Variants in FBXW11 observed in about 807,000 individuals in gnomAD.
FBXW11 encodes F-box and WD repeat domain containing 11, also known as F-box/WD repeat-containing protein 11.
In FBXW11, 19 loss-of-function variants were observed where a neutral mutation model predicts 77.6. The ratio of observed to expected loss-of-function variants is 0.24; its 90% CI spans 0.17 to 0.36. The LOEUF (loss-of-function observed/expected upper bound fraction) is 0.36, where lower values mean the gene tolerates loss of function less well. FBXW11 is among the 10% of genes least tolerant of loss of function. The pLI is 1.00. For synonymous variants in FBXW11, 235 were observed against 249.4 expected (o/e 0.94, Z 0.54); for missense variants, 334 against 704.2 (o/e 0.47, Z 5.95).
chr5:171,953,072 G>A (rs1763429706), intron 2 of FBXW11, among the ~76,000 whole-genome samples: 2 of 151,934 alleles, frequency 1.3e-5, no homozygotes, highest in South Asian at 4.1e-4. Flanking sequence ...TGGGCTCAAG[G>A]GATTCCCCAA....
intron 6 of FBXW11, among the ~76,000 whole-genome samples, chr5:171,892,592 T>G (rs1759428927): frequency 6.6e-6 from 1 of 152,232 alleles, no homozygotes; most frequent in African/African-American, 2.4e-5. Flanking sequence ...TTCTAAGTGC[T>G]GCAGGACTTA....
chr5:171,918,457 C>T (rs761721893), intron 2 of FBXW11, among the ~76,000 whole-genome samples: 6 of 152,104 alleles, frequency 3.9e-5, no homozygotes, highest in Non-Finnish European at 7.4e-5. Flanking sequence ...TTTCCTATAT[C>T]CAAACTCTCA....
At chr5:171,917,766 CTGTGTGTG>C (rs60601173) in intron 2 of FBXW11, among the ~76,000 whole-genome samples, 59 of 147,580 alleles carry the variant, frequency 4.0e-4, no homozygotes, top group East Asian at 8.0e-4. Context: ...TAGACTCACT[CTGTGTGTG>C]TGTGTGTGTG....
intron 4 of FBXW11, among the ~76,000 whole-genome samples, chr5:171,900,341 G>C (rs146535959): frequency 6.6e-6 from 1 of 152,176 alleles, no homozygotes; most frequent in East Asian, 1.9e-4. Flanking sequence ...AGCTGACCTT[G>C]GACAGTTCTG....
intron 2 of FBXW11, among the ~76,000 whole-genome samples, chr5:171,924,680 G>GGGACA (rs1761790440): frequency 6.6e-6 from 1 of 152,086 alleles, no homozygotes; most frequent in Non-Finnish European, 1.5e-5. Context: ...AGCAGCCACG[G>GGGACA]GGCCAGGCCA....
At chr5:171,996,337 T>C (rs1766044105) in intron 1 of FBXW11, among the ~76,000 whole-genome samples, 1 of 152,224 alleles carries the variant, frequency 6.6e-6, no homozygotes, top group African/African-American at 2.4e-5. Context: ...CTGTATTTCC[T>C]ATTAGACTAT....
intron 7 of FBXW11, among the ~76,000 whole-genome samples, chr5:171,886,552 C>T (rs1758893862): frequency 1.3e-5 from 2 of 151,142 alleles, no homozygotes; most frequent in African/African-American, 4.9e-5. Flanking sequence ...TGCACATGTA[C>T]CCTAAAACTT....
chr5:171,979,723 C>T (rs77568456), intron 1 of FBXW11, among the ~76,000 whole-genome samples: 4 of 152,188 alleles, frequency 2.6e-5, no homozygotes, highest in Admixed American at 6.6e-5. Context: ...TCCCTGGTGC[C>T]GTAAAGAAAT....
intron 1 of FBXW11, among the ~76,000 whole-genome samples, chr5:171,967,883 T>TATATATACACAC (rs1244744249): frequency 2.7e-5 from 2 of 74,978 alleles, no homozygotes; most frequent in African/African-American, 1.2e-4. Flanking sequence ...TATATATATA[T>TATATATACACAC]ACACACACAC....
In FBXW11 at chr5:171,939,079, C is replaced by CA. The variant is rs1427871965; in HGVS notation, c.147+18517dup. On this transcript the variant is annotated intron_variant, in intron 2 of 13. Coordinates refer to ENST00000517395, the MANE Select transcript of FBXW11 (RefSeq NM_001378974.1). The stretch of plus-strand genomic sequence containing the variant: ...TGAAACCTCATCTCTACTAAAAATA[C>CA]AAAAAAAAATAGTGGGGCGTAGTGG... Among the ~76,000 whole-genome samples, 189 of 149,766 alleles carry CA rather than the reference C, an allele frequency of 1.3e-3. 1 individual carries two copies. The highest frequency in any genetic ancestry group is 4.0e-3 in the African/African-American group (165 of 40,852).
intron 2 of FBXW11, among the ~76,000 whole-genome samples, chr5:171,919,593 A>G (rs903258909): frequency 4.6e-5 from 7 of 152,216 alleles, no homozygotes; most frequent in Non-Finnish European, 1.0e-4. Flanking sequence ...ATTGCCTATG[A>G]TGGTCAGGCA....
intron 2 of FBXW11, among the ~76,000 whole-genome samples, chr5:171,952,353 GT>G (rs559530088): frequency 1.4e-4 from 18 of 126,380 alleles, no homozygotes; most frequent in South Asian, 8.4e-4. Flanking sequence ...GAAAGATGTG[GT>G]TTTTTTTAAC....
chr5:171,955,094 T>C (rs1162192826), intron 2 of FBXW11, among the ~76,000 whole-genome samples: 1 of 152,198 alleles, frequency 6.6e-6, no homozygotes, highest in Non-Finnish European at 1.5e-5. Context: ...CATGTAACAG[T>C]TGGTAATGAG....
intron 2 of FBXW11, among the ~76,000 whole-genome samples, chr5:171,945,630 G>A (rs1327535006): frequency 6.6e-6 from 1 of 152,098 alleles, no homozygotes. Flanking sequence ...TCCACAAATT[G>A]AGCACTATAT....
At chr5:171,872,734 A>C (rs1757831923) in intron 10 of FBXW11, 138 bp downstream of exon 10, 1 of 670,706 alleles carries the variant, frequency 1.5e-6, no homozygotes, top group Admixed American at 2.5e-5. Context: ...GCCCAAATAC[A>C]TTTCTAAAAG....
chr5:171,934,674 C>T (rs1762380447), intron 2 of FBXW11, among the ~76,000 whole-genome samples: 1 of 130,780 alleles, frequency 7.6e-6, no homozygotes, highest in Non-Finnish European at 1.6e-5. Flanking sequence ...GTGACCCTGT[C>T]TCAAAAAAAA....
intron 1 of FBXW11, among the ~76,000 whole-genome samples, chr5:171,981,322 T>C (rs1050531025): frequency 1.3e-5 from 2 of 152,172 alleles, no homozygotes; most frequent in South Asian, 2.1e-4. Context: ...GTATCCCTTA[T>C]AATGTTCTTT....
chr5:171,896,980 G>A (rs1263459824), intron 6 of FBXW11, among the ~76,000 whole-genome samples: 3 of 151,856 alleles, frequency 2.0e-5, no homozygotes, highest in African/African-American at 7.3e-5. Context: ...CAAAATGGGA[G>A]TAAAAAAAAA....
chr5:171,995,792 C>A (rs1210062193), intron 1 of FBXW11, among the ~76,000 whole-genome samples: 1 of 152,038 alleles, frequency 6.6e-6, no homozygotes, highest in Non-Finnish European at 1.5e-5. Context: ...AATACCATGC[C>A]AAACAATGAC....
Sources: gnomAD v4.1 joint callset for allele counts (sites outside exome capture counted in the v4.1 genomes callset) on GRCh38, gnomAD v4.1.1 for gene constraint, MANE v1.5 for transcripts, NCBI Gene and HGNC (gene_info 2026-07-23, HGNC 2026-07-21) for gene names.